Variants in MGAT4C observed in about 807,000 individuals in gnomAD.
MGAT4C encodes alpha-1,3-mannosyl-glycoprotein 4-beta-N-acetylglucosaminyltransferase C.
A neutral mutation model predicts 40.1 loss-of-function variants in MGAT4C; 19 were observed. The observed-to-expected ratio is 0.47, with a 90% confidence interval of 0.33 to 0.70. The LOEUF is 0.70. MGAT4C is among the 30% of genes least tolerant of loss of function. The probability of loss-of-function intolerance (pLI) is 0.02; values close to 1 mark genes in which losing one functional copy is unlikely to be tolerated. For synonymous variants in MGAT4C, 181 were observed against 187.1 expected, an observed-to-expected ratio of 0.97 and a Z score of 0.27; for missense variants, 491 against 563.2, an observed-to-expected ratio of 0.87 and a Z score of 1.30.
chr12:86,037,146 C>T (rs1262750316), intron 2 of MGAT4C, among the ~76,000 whole-genome samples: 2 of 150,080 alleles, frequency 1.3e-5, no homozygotes, highest in Non-Finnish European at 3.0e-5. Flanking sequence ...TCCCCTCGAT[C>T]ATTTTTTATT....
At chr12:86,172,871 TA>T (rs1886998438) in intron 1 of MGAT4C, among the ~76,000 whole-genome samples, 1 of 152,142 alleles carries the variant, frequency 6.6e-6, no homozygotes, top group Non-Finnish European at 1.5e-5. Context: ...ATCCTTTTAA[TA>T]ATGAATATTA....
chr12:85,992,949 G>A (rs1886130579), intron 2 of MGAT4C, among the ~76,000 whole-genome samples: 1 of 152,186 alleles, frequency 6.6e-6, no homozygotes, highest in Admixed American at 6.5e-5. Flanking sequence ...TCCAGCAGGG[G>A]AATCAACCCC....
At chr12:86,443,039 T>A (rs913098107) in intron 2 of MGAT4C, among the ~76,000 whole-genome samples, 8 of 152,178 alleles carry the variant, frequency 5.3e-5, no homozygotes, top group Non-Finnish European at 7.3e-5. Context: ...TAATATATTA[T>A]GGTATAGCAT....
At chr12:86,190,395 C>G (rs6538022) in intron 1 of MGAT4C, among the ~76,000 whole-genome samples, 100,550 of 151,968 alleles carry the variant, frequency 0.66, 33,696 homozygotes, top group South Asian at 0.75. Context: ...GTGTGTTTCT[C>G]CTGTTAATTG....
intron 1 of MGAT4C, among the ~76,000 whole-genome samples, chr12:86,747,096 G>A (rs186055161): frequency 6.6e-6 from 1 of 151,708 alleles, no homozygotes; most frequent in African/African-American, 2.4e-5. Context: ...AATACTATTT[G>A]TGTAATCTTG....
At chr12:86,321,829 T>C (rs1338655344) in intron 4 of MGAT4C, among the ~76,000 whole-genome samples, 1 of 152,046 alleles carries the variant, frequency 6.6e-6, no homozygotes, top group Non-Finnish European at 1.5e-5. Flanking sequence ...TCCTCAGGGA[T>C]CTAGAACTAG....
chr12:86,477,176 C>G (rs1387785277), intron 2 of MGAT4C, among the ~76,000 whole-genome samples: 3 of 151,294 alleles, frequency 2.0e-5, no homozygotes, highest in Non-Finnish European at 4.4e-5. Flanking sequence ...GTAAAATTGA[C>G]TTTTGTACAT....
At chr12:86,110,306 A>ATATATATAGTCTATATATATAGAC (rs1877129951) in intron 1 of MGAT4C, among the ~76,000 whole-genome samples, 1 of 15,170 alleles carries the variant, frequency 6.6e-5, no homozygotes, top group South Asian at 3.6e-3. Flanking sequence ...CTCTCTATAT[A>ATATATATAGTCTATATATATAGAC]TATATATATA....
rs113293495 is a variant in MGAT4C, at chr12:86,734,357, A to T, written c.-261-7116T>A. 3.4e-3 allele frequency among the ~76,000 whole-genome samples: 525 copies of T among 152,194 alleles called. 2 individuals are homozygous for T. Among genetic ancestry groups the T allele is most frequent in the African/African-American group, 0.012 (503 of 41,554 alleles). On this transcript the variant is annotated intron_variant, in intron 1 of 7. Transcript: ENST00000548651. ...TGAAGACTCAGGAACAAAAACAGCT[A>T]AAAACAGTGGGAGTAGAGGGGAATG...
At chr12:86,427,504 C>G (rs369321354) in intron 3 of MGAT4C, among the ~76,000 whole-genome samples, 12 of 152,092 alleles carry the variant, frequency 7.9e-5, no homozygotes, top group Middle Eastern at 3.4e-3. Flanking sequence ...CTCCCATCCA[C>G]CTTACACACA....
intron 2 of MGAT4C, among the ~76,000 whole-genome samples, chr12:86,010,167 A>G (rs1209459846): frequency 2.6e-5 from 4 of 152,230 alleles, no homozygotes; most frequent in South Asian, 2.1e-4. Flanking sequence ...CTAAGTTTGT[A>G]TATCTACACC....
At chr12:86,757,404 C>T (rs911252855) in intron 1 of MGAT4C, among the ~76,000 whole-genome samples, 3 of 151,952 alleles carry the variant, frequency 2.0e-5, no homozygotes, top group African/African-American at 4.8e-5. Flanking sequence ...TAAAAAATAG[C>T]CAAAAACTTA....
At chr12:86,189,651 T>G (rs1317102040) in intron 1 of MGAT4C, among the ~76,000 whole-genome samples, 1 of 152,080 alleles carries the variant, frequency 6.6e-6, no homozygotes, top group Non-Finnish European at 1.5e-5. Context: ...TCTTAAAAGC[T>G]CTTTACCTTT....
At chr12:86,204,334 C>T (rs981293299) in intron 1 of MGAT4C, among the ~76,000 whole-genome samples, 10 of 151,894 alleles carry the variant, frequency 6.6e-5, no homozygotes, top group Admixed American at 2.0e-4. Flanking sequence ...AAATAATTCT[C>T]GTTGTATATT....
chr12:86,076,945 G>A (rs910852066), intron 1 of MGAT4C, among the ~76,000 whole-genome samples: 1 of 152,152 alleles, frequency 6.6e-6, no homozygotes, highest in African/African-American at 2.4e-5. Context: ...AAGGCAGGAA[G>A]CATCCAGCAC....
intron 1 of MGAT4C, among the ~76,000 whole-genome samples, chr12:86,234,364 A>G (rs550582192): frequency 6.6e-6 from 1 of 152,274 alleles, no homozygotes; most frequent in South Asian, 2.1e-4. Context: ...AGATTAATAT[A>G]CTCAGTCCTT....
intron 3 of MGAT4C, among the ~76,000 whole-genome samples, chr12:86,410,842 T>C (rs1956588839): frequency 6.6e-6 from 1 of 152,198 alleles, no homozygotes; most frequent in South Asian, 2.1e-4. Flanking sequence ...ATATTCACAA[T>C]TTATGTTCCT....
intron 1 of MGAT4C, among the ~76,000 whole-genome samples, chr12:86,058,473 T>G (rs1007863016): frequency 6.6e-6 from 1 of 152,142 alleles, no homozygotes. Context: ...TTACAGTTAA[T>G]TATGCCTTAC....
chr12:86,499,586 A>G (rs1958300438), intron 2 of MGAT4C, among the ~76,000 whole-genome samples: 1 of 151,816 alleles, frequency 6.6e-6, no homozygotes, highest in South Asian at 2.1e-4. Context: ...CTATATGAAA[A>G]GATATCCCCA....
Sources: gnomAD v4.1 joint callset for allele counts (sites outside exome capture counted in the v4.1 genomes callset) on GRCh38, gnomAD v4.1.1 for gene constraint, MANE v1.5 for transcripts, NCBI Gene and HGNC (gene_info 2026-07-23, HGNC 2026-07-21) for gene names.